SCP2: variants seen among roughly 807,000 people sequenced by gnomAD.
SCP2 encodes SCP-2/3-oxoacyl-CoA thiolase.
A neutral mutation model predicts 71.4 loss-of-function variants in SCP2; 48 were observed. The observed-to-expected ratio is 0.67, with a 90% CI of 0.53 to 0.86. The LOEUF (loss-of-function observed/expected upper bound fraction) is 0.86. SCP2 is among the 40% of genes least tolerant of loss of function. SCP2 has a pLI of 0.00. For synonymous variants in SCP2, 220 were observed against 218.1 expected (o/e 1.01, Z -0.08); for missense variants, 560 against 655.6 (o/e 0.85, Z 1.59).
intron 12 of SCP2, among the ~76,000 whole-genome samples, chr1:53,024,407 CTG>C (rs907304771): frequency 1.3e-5 from 2 of 151,936 alleles, no homozygotes; most frequent in African/African-American, 2.4e-5. Context: ...AACATTATGA[CTG>C]TATTTAATAC....
At chr1:52,929,858 C>T (rs1478144002) in intron 1 of SCP2, among the ~76,000 whole-genome samples, 2 of 152,272 alleles carry the variant, frequency 1.3e-5, no homozygotes, top group South Asian at 2.1e-4. Flanking sequence ...CTCCAGATCT[C>T]GTGATCCACC....
chr1:53,014,183 G>A (rs1446152739), intron 11 of SCP2, among the ~76,000 whole-genome samples: 1 of 151,722 alleles, frequency 6.6e-6, no homozygotes, highest in Non-Finnish European at 1.5e-5. Flanking sequence ...GGGATTACAG[G>A]CGTGAGCCAC....
intron 12 of SCP2, among the ~76,000 whole-genome samples, chr1:53,019,940 G>A (rs948783359): frequency 2.2e-4 from 34 of 152,240 alleles, no homozygotes; most frequent in Middle Eastern, 3.4e-3. Context: ...AGGCTGGAGC[G>A]CAGTAGCACA....
intron 11 of SCP2, among the ~76,000 whole-genome samples, chr1:53,008,076 G>A (rs1230997067): frequency 3.3e-5 from 5 of 151,036 alleles, no homozygotes; most frequent in Non-Finnish European, 5.9e-5. Flanking sequence ...AAGACTAAAC[G>A]AGGAAGAAGT....
intron 5 of SCP2, among the ~76,000 whole-genome samples, chr1:52,956,301 T>TC (rs1655788703): frequency 6.6e-6 from 1 of 152,134 alleles, no homozygotes; most frequent in Non-Finnish European, 1.5e-5. Flanking sequence ...AGACTCCGTT[T>TC]CAAAAAAAAG....
chr1:52,962,957 T>A (rs1407678987), intron 6 of SCP2, among the ~76,000 whole-genome samples: 2 of 151,876 alleles, frequency 1.3e-5, no homozygotes, highest in Admixed American at 1.3e-4. Context: ...AGAATATAAG[T>A]TCAACAAAAG....
At chr1:52,986,988 A>G (rs1440536575) in intron 10 of SCP2, among the ~76,000 whole-genome samples, 78 of 94,450 alleles carry the variant, frequency 8.3e-4, no homozygotes, top group African/African-American at 2.0e-3. Flanking sequence ...TTTCTTCTGT[A>G]TATATATATA....
chr1:52,945,638 G>T (rs1000806829), intron 2 of SCP2, among the ~76,000 whole-genome samples: 1 of 152,068 alleles, frequency 6.6e-6, no homozygotes, highest in Non-Finnish European at 1.5e-5. Context: ...AGGAGGTGGA[G>T]CTTGCAGTGA....
At chr1:52,992,566 C>T (rs936806688) in intron 11 of SCP2, among the ~76,000 whole-genome samples, 10 of 152,106 alleles carry the variant, frequency 6.6e-5, no homozygotes, top group African/African-American at 9.7e-5. Context: ...TATTTGACCA[C>T]GTAGAATATT....
chr1:53,049,051 T>G (rs1664028186), intron 15 of SCP2: 1 of 152,206 alleles, frequency 6.6e-6, no homozygotes, highest in African/African-American at 2.4e-5. Context: ...CCATGACAAG[T>G]GAGAAATTTG....
At chr1:52,993,512 C>T (rs924378478) in intron 11 of SCP2, 4 of 1,612,584 alleles carry the variant, frequency 2.5e-6, no homozygotes, top group East Asian at 4.5e-5. Context: ...TTCTTCAAAA[C>T]TGCCTCTATC....
At chr1:52,967,104 C>T (rs186488702) in intron 6 of SCP2, among the ~76,000 whole-genome samples, 58 of 152,064 alleles carry the variant, frequency 3.8e-4, no homozygotes, top group Non-Finnish European at 7.4e-4. Context: ...GCAGGAAAAT[C>T]GGTTGAACCT....
At chr1:53,030,389 G>A (rs541705102) in intron 13 of SCP2, among the ~76,000 whole-genome samples, 9 of 152,250 alleles carry the variant, frequency 5.9e-5, no homozygotes, top group African/African-American at 2.2e-4. Flanking sequence ...TGGGTGGTTG[G>A]CTACGTGCAT....
chr1:53,044,300 C>T (rs545574082), intron 14 of SCP2, among the ~76,000 whole-genome samples: 5 of 152,244 alleles, frequency 3.3e-5, no homozygotes, highest in South Asian at 4.1e-4. Context: ...TCAGGTGATC[C>T]GCCCACCTCA....
intron 10 of SCP2, among the ~76,000 whole-genome samples, chr1:52,986,820 T>C (rs1425111323): frequency 6.6e-6 from 1 of 151,974 alleles, no homozygotes; most frequent in East Asian, 1.9e-4. Flanking sequence ...AAGCTGCTTA[T>C]ATAAAATGGC....
intron 13 of SCP2, among the ~76,000 whole-genome samples, chr1:53,035,722 A>C (rs961454075): frequency 2.2e-4 from 33 of 152,338 alleles, no homozygotes; most frequent in African/African-American, 7.2e-4. Flanking sequence ...TCATAGAATA[A>C]AACAACAACA....
chr1:52,955,631 C>A (rs573878815), intron 5 of SCP2, among the ~76,000 whole-genome samples: 97 of 152,244 alleles, frequency 6.4e-4, no homozygotes, highest in African/African-American at 2.3e-3. Flanking sequence ...CTAAGTCGTC[C>A]AGGAAACCTC....
At position 52,976,831 on chromosome 1, in the gene SCP2, C is replaced by G. The variant is rs1001494380; in HGVS notation, c.674+62C>G. ...TAACTGCTGCCCTTCCTGCCACCCC[C>G]CTGTGGTTAAACCTTAGGCTCTGCA... is the stretch of plus-strand genomic sequence containing the variant. On this transcript the variant is annotated intron_variant, in intron 8 of 15. Coordinates refer to ENST00000371514, the MANE Select transcript of SCP2 (RefSeq NM_002979.5). 2.4e-5 allele frequency: 21 copies of G among 874,656 alleles called. No homozygotes were observed. The East Asian group carries it at 3.4e-4, about 14-fold the overall frequency. The allele number at this position is 874,656 out of a possible 1,614,324, so 54.2% of individuals were successfully genotyped here. A position where few individuals can be genotyped will look rare whatever the true frequency, so the allele number is the denominator to read the frequency against.
Position 53,023,865 on chromosome 1 carries a change from C to T in SCP2, c.1236-4104C>T, listed in dbSNP as rs77923357. On this transcript the variant is annotated intron_variant, in intron 12 of 15. Coordinates refer to ENST00000371514, the MANE Select transcript of SCP2 (RefSeq NM_002979.5). ...CTCTCCACACCCTTCCTTTCACCCT[C>T]ACTCTCTGCTGATTACTTTGCCTTA... 6.2e-3 allele frequency among the ~76,000 whole-genome samples: 949 copies of T among 152,288 alleles called. 14 individuals carry two copies. The highest frequency in any genetic ancestry group is 0.022 in the African/African-American group (904 of 41,558).
Sources: gnomAD v4.1 joint callset for allele counts (sites outside exome capture counted in the v4.1 genomes callset) on GRCh38, gnomAD v4.1.1 for gene constraint, MANE v1.5 for transcripts, NCBI Gene and HGNC (gene_info 2026-07-23, HGNC 2026-07-21) for gene names.